The following FGF14 variants were observed in gnomAD, a reference collection of about 807,000 sequenced individuals.
FGF14 encodes fibroblast growth factor homologous factor 4.
FGF14 carries 5 observed loss-of-function variants against 25.5 expected under a neutral mutation model. The observed-to-expected ratio is 0.20, with a 90% CI of 0.10 to 0.41. The LOEUF (loss-of-function observed/expected upper bound fraction) is 0.41. Among genes scored for constraint, FGF14 ranks in the 10% least tolerant of loss-of-function variants. The pLI is 1.00. For missense variants in FGF14, 222 were observed against 320.1 expected (o/e 0.69, Z 2.34); for synonymous variants, 138 against 118.3 (o/e 1.17, Z -1.08).
chr13:101,981,563 AAAGT>A (rs1293611641), intron 1 of FGF14, among the ~76,000 whole-genome samples: 1 of 152,200 alleles, frequency 6.6e-6, no homozygotes, highest in African/African-American at 2.4e-5. Context: ...ACATACTAGT[AAAGT>A]AAGCCATCAC....
chr13:102,326,687 A>G (rs555416941), intron 1 of FGF14, among the ~76,000 whole-genome samples: 82 of 55,568 alleles, frequency 1.5e-3, no homozygotes, highest in Admixed American at 2.1e-3. Flanking sequence ...AGGGAAGGGA[A>G]GGGAAGGGAA....
At chr13:102,336,548 C>A (rs1207690032) in intron 1 of FGF14, among the ~76,000 whole-genome samples, 2 of 152,172 alleles carry the variant, frequency 1.3e-5, no homozygotes, top group Non-Finnish European at 2.9e-5. Context: ...GAAGCTGTAG[C>A]AAGTTATCCA....
intron 1 of FGF14, among the ~76,000 whole-genome samples, chr13:102,246,933 T>C (rs1384780175): frequency 6.6e-6 from 1 of 151,504 alleles, no homozygotes; most frequent in Non-Finnish European, 1.5e-5. Flanking sequence ...AGAAATAAGG[T>C]TGCACTCCTA....
intron 1 of FGF14, among the ~76,000 whole-genome samples, chr13:102,392,822 T>G (rs974516688): frequency 2.1e-4 from 32 of 152,198 alleles, no homozygotes; most frequent in African/African-American, 7.7e-4. Context: ...CACTGCTCAC[T>G]GCTCTTCCTC....
At chr13:102,245,027 C>G (rs1046605852) in intron 1 of FGF14, among the ~76,000 whole-genome samples, 1 of 152,100 alleles carries the variant, frequency 6.6e-6, no homozygotes, top group Non-Finnish European at 1.5e-5. Context: ...AAAGCAGTTG[C>G]TCTCCATTTA....
chr13:102,003,857 GA>G (rs2039640619), intron 1 of FGF14, among the ~76,000 whole-genome samples: 1 of 152,092 alleles, frequency 6.6e-6, no homozygotes, highest in Non-Finnish European at 1.5e-5. Flanking sequence ...TAGCCAAAAT[GA>G]ATAGATATTG....
At chr13:102,241,066 G>A (rs2051573595) in intron 1 of FGF14, among the ~76,000 whole-genome samples, 1 of 152,064 alleles carries the variant, frequency 6.6e-6, no homozygotes, top group African/African-American at 2.4e-5. Flanking sequence ...GGCTTTACCA[G>A]AAATCAGGAA....
intron 3 of FGF14, among the ~76,000 whole-genome samples, chr13:101,755,552 ATCAGATC>A: frequency 6.7e-6 from 1 of 148,164 alleles, no homozygotes; most frequent in Middle Eastern, 3.4e-3. Context: ...CTAAAAATAA[ATCAGATC>A]AAATTTTCAA....
chr13:102,351,679 G>A (rs1028785031), intron 1 of FGF14, among the ~76,000 whole-genome samples: 11 of 152,200 alleles, frequency 7.2e-5, no homozygotes. Flanking sequence ...GTCTTCACAT[G>A]GCATTTGGTC....
At chr13:101,872,327 C>T (rs751125105) in intron 2 of FGF14, among the ~76,000 whole-genome samples, 4 of 150,702 alleles carry the variant, frequency 2.7e-5, no homozygotes, top group African/African-American at 4.9e-5. Context: ...TATTCATAAA[C>T]ATGTTTCCAT....
intron 1 of FGF14, among the ~76,000 whole-genome samples, chr13:102,348,734 A>C (rs1247489283): frequency 6.6e-6 from 1 of 152,214 alleles, no homozygotes; most frequent in Non-Finnish European, 1.5e-5. Flanking sequence ...AATCAGAGAG[A>C]TCAAGAAACC....
At chr13:102,134,967 T>C (rs1411166418) in intron 1 of FGF14, among the ~76,000 whole-genome samples, 2 of 151,638 alleles carry the variant, frequency 1.3e-5, no homozygotes, top group Non-Finnish European at 2.9e-5. Context: ...AGGGATTGCT[T>C]GAGTCTAGGA....
chr13:101,936,166 C>T (rs1188324071), intron 1 of FGF14, among the ~76,000 whole-genome samples: 1 of 152,172 alleles, frequency 6.6e-6, no homozygotes, highest in East Asian at 1.9e-4. Flanking sequence ...ATGAGGCAGC[C>T]AGTGCGCTCC....
At chr13:102,399,758 G>A (rs2058658887) in intron 1 of FGF14, among the ~76,000 whole-genome samples, 1 of 152,096 alleles carries the variant, frequency 6.6e-6, no homozygotes. Flanking sequence ...AGGGTAAAAG[G>A]ACGGAGGAGG....
At chr13:102,021,990 G>C (rs1310999457) in intron 1 of FGF14, among the ~76,000 whole-genome samples, 1 of 152,062 alleles carries the variant, frequency 6.6e-6, no homozygotes, top group Non-Finnish European at 1.5e-5. Flanking sequence ...GATCAGTGAT[G>C]TCATGATTCA....
chr13:102,165,805 TATAATAATAATA>T (rs142783245), intron 1 of FGF14, among the ~76,000 whole-genome samples: 278 of 148,320 alleles, frequency 1.9e-3, no homozygotes, highest in Admixed American at 2.4e-3. Flanking sequence ...AAACTTAAAG[TATAATAATAATA>T]ATAATAATAA....
chr13:101,843,159 C>T (rs1366966236), intron 3 of FGF14, among the ~76,000 whole-genome samples: 1 of 152,046 alleles, frequency 6.6e-6, no homozygotes, highest in Admixed American at 6.6e-5. Context: ...TATTCTTGAG[C>T]ACTTCTTAAA....
rs117324830 is a variant in FGF14 at position 102,136,964 on chromosome 13, G to A, written c.209-261668C>T. 1.1e-3 allele frequency among the ~76,000 whole-genome samples: 175 copies of A among 152,228 alleles called. 1 individual carries two copies. Among genetic ancestry groups the A allele is most frequent in the East Asian group, 7.3e-3 (38 of 5,172 alleles). The stretch of plus-strand genomic sequence containing the variant: ...ACCTGGGACATTAGATTACTTAGTC[G>A]AACAATATTTACGAACTTTGTGACA... On this transcript the variant is annotated intron_variant, in intron 1 of 4. Coordinates refer to the FGF14 transcript ENST00000376131.
At chr13:102,268,870 T>C (rs1213041499) in intron 1 of FGF14, among the ~76,000 whole-genome samples, 1 of 152,184 alleles carries the variant, frequency 6.6e-6, no homozygotes, top group African/African-American at 2.4e-5. Flanking sequence ...AAACTCACCA[T>C]GGCAACCAAT....
Sources: allele counts gnomAD v4.1 joint callset (sites outside exome capture counted in the v4.1 genomes callset), GRCh38; gene constraint gnomAD v4.1.1; transcripts MANE v1.5; gene names NCBI Gene and HGNC (gene_info 2026-07-23, HGNC 2026-07-21).